Variants in KIF2C observed in about 807,000 individuals in gnomAD.
KIF2C encodes the protein kinesin-like protein KIF2C.
A neutral mutation model predicts 97.4 loss-of-function variants in KIF2C; 34 were observed. That is an observed-to-expected ratio of 0.35 (90% CI 0.27 to 0.46). The LOEUF (loss-of-function observed/expected upper bound fraction) is 0.46. KIF2C is among the 20% of genes least tolerant of loss of function. The pLI is 1.00. For missense variants in KIF2C, 750 were observed against 907.6 expected (o/e 0.83, Z 2.23); for synonymous variants, 313 against 318.2 (o/e 0.98, Z 0.17).
chr1:44,761,773 C>A, intron 16 of KIF2C, 143 bp from the exon 17 acceptor site: 1 of 740,090 alleles, frequency 1.4e-6, no homozygotes, highest in Non-Finnish European at 2.4e-6. Context: ...TAGCACAGCG[C>A]GGTGCTAAAT....
rs16832222 is a variant in KIF2C, at chr1:44,750,497, T to C, written c.372T>C (p.Ala124=). 6.3e-7 allele frequency: 1 copy of C among 1,594,448 alleles called. No homozygotes were observed. The highest frequency in any genetic ancestry group is 1.3e-5 in the African/African-American group (1 of 74,496). ...MSTVSELRIT[A]QENDMEVELP... ...CTGTCTCAGAGCTTCGCATCACGGC[T>C]CAGGAGAATGACATGGAGGTGGAGC... is the stretch of plus-strand genomic sequence containing the variant. The change falls in exon 5 of 21, where the codon GCT becomes GCC. Residue 124 remains alanine, a synonymous_variant. Coordinates refer to ENST00000372224, the MANE Select transcript of KIF2C (RefSeq NM_006845.4).
rs2148838601 is a variant in KIF2C at position 44,767,398 on chromosome 1, G to A, written c.*219G>A. 2.1e-6 allele frequency: 1 copy of A among 485,826 alleles called. No homozygotes were observed. The highest frequency in any genetic ancestry group is 3.8e-6 in the Non-Finnish European group (1 of 264,300). 30.1% of individuals were successfully genotyped at this position (485,826 alleles called of 1,614,324 possible). ...TCCTCAGTTGTCGCCCTCACGAGAG[G>A]AAGGAGCTCTTAGTTACCCTTTTGT... On this transcript the variant is annotated 3_prime_UTR_variant, in exon 21 of 21. Transcript: ENST00000372224.
intron 2 of KIF2C, among the ~76,000 whole-genome samples, chr1:44,744,751 T>C (rs1205230862): frequency 1.3e-5 from 2 of 151,432 alleles, no homozygotes; most frequent in African/African-American, 2.4e-5. Flanking sequence ...ATCCAAAAAC[T>C]TAGCCGGATG....
In KIF2C at chr1:44,762,540, C is replaced by T. The variant is rs1196080016; in HGVS notation, c.1858-5C>T. 1.9e-6 allele frequency: 3 copies of T among 1,613,540 alleles called. No individual in the cohort carries two copies. The South Asian group carries it at 3.3e-5, about 18-fold the overall frequency. ...CATAATTGTCTTTCTTTTTGGCCCT[C>T]TCAGTTATCCAAGGAAGAGGAGGAA... is the stretch of plus-strand genomic sequence containing the variant. On this transcript the variant is annotated splice_polypyrimidine_tract_variant and splice_region_variant and intron_variant, in intron 18 of 20. Transcript: ENST00000372224.
At chr1:44,761,591 G>C (rs1650147778) in intron 16 of KIF2C, among the ~76,000 whole-genome samples, 1 of 151,466 alleles carries the variant, frequency 6.6e-6, no homozygotes, top group Non-Finnish European at 1.5e-5. Flanking sequence ...CTGGGCGACA[G>C]AGTGAGACTC....
intron 8 of KIF2C, 32 bp downstream of exon 8, chr1:44,754,877 A>G: frequency 7.5e-7 from 1 of 1,330,458 alleles, no homozygotes; most frequent in Non-Finnish European, 1.1e-6. Context: ...CTCTTTCTTA[A>G]GTGTACAATT....
chr1:44,752,188 G>A (rs996315694), intron 5 of KIF2C, among the ~76,000 whole-genome samples: 2 of 145,010 alleles, frequency 1.4e-5, no homozygotes, highest in East Asian at 2.0e-4. Flanking sequence ...GCCCAGGCTG[G>A]AGTGCAGTGC....
intron 8 of KIF2C, 65 bp downstream of exon 8, chr1:44,754,910 A>G (rs1649736294): frequency 1.0e-6 from 1 of 992,650 alleles, no homozygotes; most frequent in Admixed American, 1.9e-5. Flanking sequence ...ACTTCTCTTT[A>G]CAGGAATGAG....
intron 6 of KIF2C, 110 bp downstream of exon 6, chr1:44,753,364 C>A: frequency 2.4e-6 from 3 of 1,228,086 alleles, no homozygotes; most frequent in Non-Finnish European, 3.3e-6. Flanking sequence ...CTGTTTGTCA[C>A]GTGGGGGCAT....
chr1:44,747,297 T>TACTCTGTCTC (rs1366121218), intron 2 of KIF2C, 87 bp from the exon 3 acceptor site: 2 of 1,091,642 alleles, frequency 1.8e-6, no homozygotes, highest in East Asian at 2.4e-5. Flanking sequence ...GACAGAGCGA[T>TACTCTGTCTC]ACTCTGTCTC....
intron 13 of KIF2C, 101 bp downstream of exon 13, chr1:44,758,241 AGCTGTC>A (rs374961380): frequency 7.2e-6 from 7 of 969,660 alleles, no homozygotes. Flanking sequence ...TTAGCTGATT[AGCTGTC>A]AAGCCACTGA....
Position 44,767,437 on chromosome 1 carries a change from C to G in KIF2C, c.*258C>G. On this transcript the variant is annotated 3_prime_UTR_variant, in exon 21 of 21. Coordinates refer to ENST00000372224, the MANE Select transcript of KIF2C (RefSeq NM_006845.4). ...TTACCCTTTTGTGTTGCCCTTCTTTCCATCAAGGGGAATGTTCTCAGCATA... is the reference window on the plus strand; with the variant it reads ...TTACCCTTTTGTGTTGCCCTTCTTTGCATCAAGGGGAATGTTCTCAGCATA... 2.5e-6 allele frequency: 1 copy of G among 399,936 alleles called. No homozygotes were observed. Among genetic ancestry groups the G allele is most frequent in the Non-Finnish European group, 4.7e-6 (1 of 211,076 alleles). 24.8% of individuals were successfully genotyped at this position (399,936 alleles called of 1,614,324 possible).
intron 13 of KIF2C, 117 bp downstream of exon 13, chr1:44,758,257 A>T: frequency 1.2e-6 from 1 of 829,190 alleles, no homozygotes; most frequent in Non-Finnish European, 2.0e-6. Flanking sequence ...CAAGCCACTG[A>T]TGGGCCATTC....
rs1297153118 is a variant in KIF2C at position 44,750,448 on chromosome 1, G to A, written c.323G>A (p.Arg108Gln). The change falls in exon 5 of 21, where the codon CGA (arginine) becomes CAA (glutamine). Residue 108 changes from arginine (R) to glutamine (Q), a missense_variant. Arg to Gln is a conservative substitution (Grantham distance 43, BLOSUM62 1). Transcript: ENST00000372224. ...SKIPAPKESL[R>Q]SRSTRMSTVS... ...ACTGCTCTCGGTTCTCCAGGTCTTC[G>A]AAGCCGCTCCACTCGCATGTCCACT... 5 of 1,474,610 alleles carry A rather than the reference G, an allele frequency of 3.4e-6. No homozygotes were observed. The highest frequency in any genetic ancestry group is 2.1e-5 in the Admixed American group (1 of 47,396). The allele number at this position is 1,474,610 out of a possible 1,614,324, so 91.3% of individuals were successfully genotyped here.
chr1:44,756,639 G>A (rs2148829410), intron 10 of KIF2C, among the ~76,000 whole-genome samples: 1 of 131,690 alleles, frequency 7.6e-6, no homozygotes, highest in East Asian at 2.5e-4. Flanking sequence ...TGCAACCTCC[G>A]CCTCCCAGGT....
chr1:44,755,906 T>C (rs748147781), intron 8 of KIF2C, 23 bp from the exon 9 acceptor site: 12 of 1,612,698 alleles, frequency 7.4e-6, no homozygotes, highest in Non-Finnish European at 1.0e-5. Context: ...TGCTGTTGGT[T>C]GCCTCCTCTC....
At position 44,763,987 on chromosome 1, in the gene KIF2C, C is replaced by T. The variant is rs570373391; in HGVS notation, c.1971+1329C>T. Among the ~76,000 whole-genome samples the T allele has an allele frequency of 4.0e-5, 6 of 151,720 alleles. No homozygotes were observed. The East Asian group carries it at 9.7e-4, about 25-fold the overall frequency. Reference sequence around the variant, plus strand: ...GGCAAAGGTTGTAGTGAGTCAAGATCGTGCCACTGCACTCTAGCCTGGGTG... The same window carrying T: ...GGCAAAGGTTGTAGTGAGTCAAGATTGTGCCACTGCACTCTAGCCTGGGTG... On this transcript the variant is annotated intron_variant, in intron 19 of 20. Transcript: ENST00000372224.
intron 2 of KIF2C, among the ~76,000 whole-genome samples, chr1:44,743,622 T>C (rs115966498): frequency 6.6e-6 from 1 of 152,218 alleles, no homozygotes; most frequent in African/African-American, 2.4e-5. Flanking sequence ...AGACCTCATC[T>C]CTACTAAAAA....
intron 2 of KIF2C, chr1:44,746,389 T>C: frequency 9.2e-7 from 1 of 1,085,996 alleles, no homozygotes; most frequent in Non-Finnish European, 1.1e-6. Context: ...CAACAGGAAA[T>C]AGGTAAGGCA....
Sources: allele counts gnomAD v4.1 joint callset (sites outside exome capture counted in the v4.1 genomes callset), GRCh38; gene constraint gnomAD v4.1.1; transcripts MANE v1.5; gene names NCBI Gene and HGNC (gene_info 2026-07-23, HGNC 2026-07-21).